The following SCN8A variants were observed in gnomAD, a reference collection of about 807,000 sequenced individuals.
SCN8A encodes the protein sodium channel protein type 8 subunit alpha.
A neutral mutation model predicts 184.1 loss-of-function variants in SCN8A; 30 were observed. The ratio of observed to expected loss-of-function variants is 0.16; its 90% CI spans 0.12 to 0.22. The LOEUF (loss-of-function observed/expected upper bound fraction) is 0.22, where lower values mean the gene tolerates loss of function less well. Ranked by LOEUF, SCN8A falls within the 10% of genes least tolerant of loss-of-function variation. SCN8A has a pLI of 1.00. For missense variants in SCN8A, 1,057 were observed against 2,498.9 expected, an observed-to-expected ratio of 0.42 and a Z score of 12.30; for synonymous variants, 852 against 907.0, an observed-to-expected ratio of 0.94 and a Z score of 1.09.
At chr12:51,764,583 C>T (rs185678829) in intron 15 of SCN8A, among the ~76,000 whole-genome samples, 4 of 151,898 alleles carry the variant, frequency 2.6e-5, no homozygotes, top group African/African-American at 4.8e-5. Context: ...TGTAGTGAGC[C>T]GAGATCACGT....
At chr12:51,750,980 T>C (rs558079612) in intron 13 of SCN8A, among the ~76,000 whole-genome samples, 100 of 152,310 alleles carry the variant, frequency 6.6e-4, no homozygotes, top group African/African-American at 2.2e-3. Flanking sequence ...GTAAAGTAAA[T>C]GCCTTGTTTT....
At chr12:51,769,553 C>T (rs1420695997) in intron 17 of SCN8A, among the ~76,000 whole-genome samples, 3 of 152,178 alleles carry the variant, frequency 2.0e-5, no homozygotes, top group African/African-American at 7.2e-5. Context: ...ACTTCTGGAT[C>T]ATCTGGGTCA....
intron 2 of SCN8A, among the ~76,000 whole-genome samples, chr12:51,675,588 T>C (rs1322855445): frequency 6.6e-6 from 1 of 152,222 alleles, no homozygotes; most frequent in Non-Finnish European, 1.5e-5. Context: ...CCGGGAGATC[T>C]AGTCCCTGGC....
chr12:51,773,117 C>CAAAA (rs555971067), intron 19 of SCN8A, among the ~76,000 whole-genome samples: 2 of 134,484 alleles, frequency 1.5e-5, no homozygotes, highest in African/African-American at 5.5e-5. Context: ...ACTCCGTCTC[C>CAAAA]AAAAAAAAAA....
At chr12:51,595,862 C>T (rs545961513) in intron 1 of SCN8A, among the ~76,000 whole-genome samples, 22 of 152,300 alleles carry the variant, frequency 1.4e-4, no homozygotes, top group Middle Eastern at 6.8e-3. Flanking sequence ...GGATGGAACC[C>T]GTAGGTACCC....
Position 51,807,123 on chromosome 12 carries a change from C to CAA in SCN8A, c.5639_5640dup (p.Val1881LysfsTer71). 6.2e-7 allele frequency: 1 copy of CAA among 1,613,894 alleles called. No homozygotes were observed. The highest frequency in any genetic ancestry group is 8.5e-7 in the Non-Finnish European group (1 of 1,179,880). Reference sequence around the variant, plus strand: ...AGCGGTTCGTGGCATCCAATCCTTCCAAAGTGTCTTACGAGCCAATCACAA... The same window carrying CAA: ...AGCGGTTCGTGGCATCCAATCCTTCCAAAAAGTGTCTTACGAGCCAATCACAA... On this transcript the variant is annotated frameshift_variant, in exon 27 of 27. Coordinates refer to ENST00000627620, the MANE Select transcript of SCN8A (RefSeq NM_001330260.2). LOFTEE classifies it high-confidence loss of function. This position sits in a 1 kb window ranked among gnomAD's most constrained non-coding sequence, Gnocchi z 4.5.
intron 1 of SCN8A, among the ~76,000 whole-genome samples, chr12:51,628,589 G>T (rs1001154285): frequency 5.9e-5 from 9 of 152,272 alleles, no homozygotes; most frequent in African/African-American, 2.2e-4. Flanking sequence ...GTGGTGGGGG[G>T]AAAGGGGTGG....
intron 1 of SCN8A, among the ~76,000 whole-genome samples, chr12:51,627,278 T>C (rs564649019): frequency 1.3e-5 from 2 of 152,332 alleles, no homozygotes; most frequent in African/African-American, 4.8e-5. Flanking sequence ...TATATTATTG[T>C]TAAACATGAA....
At chr12:51,741,272 A>G (rs568101064) in intron 12 of SCN8A, among the ~76,000 whole-genome samples, 50 of 152,278 alleles carry the variant, frequency 3.3e-4, no homozygotes, top group Non-Finnish European at 6.2e-4. Context: ...ATGTAAGTAT[A>G]GCTACTACTT....
In SCN8A at chr12:51,807,669, T is replaced by C. The variant is rs1157134806; in HGVS notation, c.*240T>C. 2 of 565,886 alleles carry C rather than the reference T, an allele frequency of 3.5e-6. No homozygotes were observed. Among genetic ancestry groups the C allele is most frequent in the African/African-American group, 3.8e-5 (2 of 53,282 alleles). The allele number at this position is 565,886 out of a possible 1,614,324, so 35.1% of individuals were successfully genotyped here. Reference sequence around the variant, plus strand: ...AATGCTTGGGCAGGTGGTTACTGCATGTTCCACATCAGTCAATGCAACTTA... The same window carrying C: ...AATGCTTGGGCAGGTGGTTACTGCACGTTCCACATCAGTCAATGCAACTTA... On this transcript the variant is annotated 3_prime_UTR_variant, in exon 27 of 27. Transcript: ENST00000627620. This position sits in a 1 kb window ranked among gnomAD's most constrained non-coding sequence, Gnocchi z 4.5.
chr12:51,699,263 G>A (rs1296712729), intron 6 of SCN8A, among the ~76,000 whole-genome samples: 3 of 152,236 alleles, frequency 2.0e-5, no homozygotes, highest in African/African-American at 7.2e-5. Flanking sequence ...TGGCAAGTAA[G>A]AGCTGGGCTC....
intron 1 of SCN8A, among the ~76,000 whole-genome samples, chr12:51,595,688 T>C (rs151253722): frequency 6.6e-6 from 1 of 152,344 alleles, no homozygotes; most frequent in East Asian, 1.9e-4. Flanking sequence ...TGTTTCCTTA[T>C]GGTTTCTGAC....
intron 12 of SCN8A, among the ~76,000 whole-genome samples, chr12:51,731,848 G>A (rs1942248214): frequency 6.6e-6 from 1 of 152,076 alleles, no homozygotes; most frequent in Non-Finnish European, 1.5e-5. Context: ...TCATATACTT[G>A]TTTGCCATTT....
intron 12 of SCN8A, among the ~76,000 whole-genome samples, chr12:51,731,086 G>A (rs930056978): frequency 6.6e-6 from 1 of 152,160 alleles, no homozygotes; most frequent in Non-Finnish European, 1.5e-5. Flanking sequence ...TTGTGTCTAA[G>A]TACCACATTT....
At chr12:51,691,698 G>A (rs1474127239) in intron 6 of SCN8A, among the ~76,000 whole-genome samples, 1 of 152,154 alleles carries the variant, frequency 6.6e-6, no homozygotes, top group Admixed American at 6.5e-5. Context: ...GGATAGTAAA[G>A]CGAATAATAG....
rs1941461886 is a variant in SCN8A, at chr12:51,688,860, C to T, written c.615-145C>T. ...TTTCGGTAATCCCAGGTAAGATGGT[C>T]CGGGGTTGGTGTTAGGTGTTGGGAT... On this transcript the variant is annotated intron_variant, in intron 5 of 26. Transcript: ENST00000627620. 4 of 1,609,978 alleles carry T rather than the reference C, an allele frequency of 2.5e-6. No individual in the cohort carries two copies. In the African/African-American group the frequency reaches 4.0e-5, roughly 16 times the overall value.
At chr12:51,661,367 C>A (rs1241120073) in intron 1 of SCN8A, among the ~76,000 whole-genome samples, 1 of 152,102 alleles carries the variant, frequency 6.6e-6, no homozygotes, top group Non-Finnish European at 1.5e-5. Context: ...GCCTCTTTAG[C>A]CCCCTGCTGT....
intron 21 of SCN8A, among the ~76,000 whole-genome samples, chr12:51,786,336 G>GT (rs1212639461): frequency 6.6e-6 from 1 of 152,204 alleles, no homozygotes; most frequent in African/African-American, 2.4e-5. Context: ...AAATAAAGGT[G>GT]TAACTTTTTA....
chr12:51,728,960 T>G (rs1339505690), intron 12 of SCN8A, among the ~76,000 whole-genome samples: 3 of 152,152 alleles, frequency 2.0e-5, no homozygotes, highest in Non-Finnish European at 4.4e-5. Flanking sequence ...TTTTCTCACC[T>G]GTAAATCTTT....
Sources: allele counts gnomAD v4.1 joint callset (sites outside exome capture counted in the v4.1 genomes callset), GRCh38; gene constraint gnomAD v4.1.1; non-coding constraint Gnocchi (gnomAD v3.1); transcripts MANE v1.5; gene names NCBI Gene and HGNC (gene_info 2026-07-23, HGNC 2026-07-21).